Variants in SPATA7 observed in about 807,000 individuals in gnomAD.
The protein encoded by SPATA7 is spermatogenesis-associated protein 7.
A neutral mutation model predicts 51.8 loss-of-function variants in SPATA7; 43 were observed. That is an observed-to-expected ratio of 0.83 (90% confidence interval 0.65 to 1.07). The LOEUF (loss-of-function observed/expected upper bound fraction) is 1.07. SPATA7 is among the 50% of genes least tolerant of loss of function. The pLI, the probability that SPATA7 is intolerant of heterozygous loss-of-function variation, is 0.00. For missense variants in SPATA7, 683 were observed against 701.3 expected, an observed-to-expected ratio of 0.97 and a Z score of 0.30; for synonymous variants, 230 against 252.8, an observed-to-expected ratio of 0.91 and a Z score of 0.86.
Position 88,438,305 on chromosome 14 carries a change from A to G in SPATA7, c.1683A>G (p.Thr561=), listed in dbSNP as rs886050875. 6.2e-7 allele frequency: 1 copy of G among 1,614,056 alleles called. No homozygotes were observed. The highest frequency in any genetic ancestry group is 8.5e-7 in the Non-Finnish European group (1 of 1,179,964). ...CAAATGGATTATGTGGTCTTAACACATCACCCTCCCAATCTGTTCAGTTCT... is the reference window on the plus strand; with the variant it reads ...CAAATGGATTATGTGGTCTTAACACGTCACCCTCCCAATCTGTTCAGTTCT... ...EISNGLCGLN[T]SPSQSVQFSS... Residue 561 remains threonine (T), a synonymous_variant, in exon 12 of 12, where the codon ACA becomes ACG. Coordinates refer to ENST00000393545, the MANE Select transcript of SPATA7 (RefSeq NM_018418.5).
chr14:88,467,690 A>G (rs2077386315), intron 4 of SPATA7: 1 of 164,626 alleles, frequency 6.1e-6, no homozygotes. Flanking sequence ...TCTGTGGATC[A>G]TCCTTACACA....
chr14:88,394,673 T>C (rs560169551), intron 3 of SPATA7, among the ~76,000 whole-genome samples: 1 of 152,314 alleles, frequency 6.6e-6, no homozygotes, highest in South Asian at 2.1e-4. Flanking sequence ...AATTTATGTG[T>C]CAGGAGTAGA....
At chr14:88,459,061 C>G (rs1441625374), downstream of SPATA7, among the ~76,000 whole-genome samples, 3 of 152,106 alleles carry the variant, frequency 2.0e-5, no homozygotes, top group African/African-American at 4.8e-5. Flanking sequence ...CTGAGTTCTA[C>G]TTTGATTGCA....
At chr14:88,434,703 GAAAAAGA>G (rs1458455160) in intron 10 of SPATA7, among the ~76,000 whole-genome samples, 3 of 145,264 alleles carry the variant, frequency 2.1e-5, no homozygotes, top group South Asian at 2.2e-4. Context: ...AAAAAAAAAA[GAAAAAGA>G]AAAAAGAAAA....
Position 88,385,772 on chromosome 14 carries a change from C to T in SPATA7, c.-47C>T, listed in dbSNP as rs1333149896. ...GGCTGGGCCCGGCCGCGGGAAGGAC[C>T]GAAGGGGATACAGCGTGTCCCTGCG... is the stretch of plus-strand genomic sequence containing the variant. On this transcript the variant is annotated 5_prime_UTR_variant, in exon 1 of 12. Coordinates refer to ENST00000393545, the MANE Select transcript of SPATA7 (RefSeq NM_018418.5). The T allele has an allele frequency of 1.3e-6, 2 of 1,578,930 alleles. No individual in the cohort carries two copies. The highest frequency in any genetic ancestry group is 1.7e-6 in the Non-Finnish European group (2 of 1,155,952).
rs765970529 is a variant in SPATA7 at position 88,426,579 on chromosome 14, C to G, written c.720C>G (p.Phe240Leu). 8.1e-6 allele frequency: 13 copies of G among 1,614,000 alleles called. No individual in the cohort carries two copies. The South Asian group carries it at 1.4e-4, about 18-fold the overall frequency. ...SELFSNKQLP[F>L]TPRTLKTEAK... ...TCTTTTCTAACAAACAATTGCCATT[C>G]ACTCCTCGCACTTTAAAAACAGAAG... The change falls in exon 6 of 12, where the codon TTC becomes TTG. Residue 240 changes from phenylalanine to leucine, a missense_variant. Phe to Leu is a conservative substitution (Grantham distance 22). Transcript: ENST00000393545.
chr14:88,394,504 TAAG>T (rs1352328751), intron 3 of SPATA7, among the ~76,000 whole-genome samples: 1 of 152,220 alleles, frequency 6.6e-6, no homozygotes, highest in Non-Finnish European at 1.5e-5. Context: ...TTTGTATTGT[TAAG>T]GAGTATTTCA....
At chr14:88,459,112 T>C (rs1263370202), downstream of SPATA7, among the ~76,000 whole-genome samples, 1 of 152,052 alleles carries the variant, frequency 6.6e-6, no homozygotes, top group Non-Finnish European at 1.5e-5. Flanking sequence ...TCTGTTCTTT[T>C]ACATTTGCTG....
chr14:88,467,116 G>A (rs1266617209), intron 4 of SPATA7: 1 of 152,168 alleles, frequency 6.6e-6, no homozygotes, highest in Non-Finnish European at 1.5e-5. Context: ...TTTTTGTAAA[G>A]ACGAAGGCAT....
At chr14:88,441,872 T>C (rs2077180621), downstream of SPATA7, among the ~76,000 whole-genome samples, 1 of 152,222 alleles carries the variant, frequency 6.6e-6, no homozygotes, top group Non-Finnish European at 1.5e-5. Flanking sequence ...ATCTCTGTTT[T>C]TGATGCATTT....
At chr14:88,453,748 C>G (rs1322468239) in intron 3 of SPATA7, among the ~76,000 whole-genome samples, 1 of 152,226 alleles carries the variant, frequency 6.6e-6, no homozygotes, top group Non-Finnish European at 1.5e-5. Flanking sequence ...GGAAATCAGT[C>G]TGCTAAACCG....
At chr14:88,454,450 A>G (rs778107742) in intron 3 of SPATA7, among the ~76,000 whole-genome samples, 3 of 152,196 alleles carry the variant, frequency 2.0e-5, no homozygotes, top group Non-Finnish European at 4.4e-5. Context: ...TAGGATATGG[A>G]CATATCTGGG....
chr14:88,469,122 T>A lies in SPATA7; in HGVS notation c.255-725T>A. The A allele has an allele frequency of 1.3e-6, 2 of 1,559,434 alleles. No homozygotes were observed. Among genetic ancestry groups the A allele is most frequent in the Non-Finnish European group, 1.7e-6 (2 of 1,143,324 alleles). ...AGAAAAGTACTCAAGGATCAAGGCG[T>A]ATCACATTGTTGACTCAATCTTCAT... On this transcript the variant is annotated intron_variant, in intron 4 of 4. Coordinates refer to the SPATA7 transcript ENST00000556406. The surrounding 1 kb of genome is among the most constrained non-coding windows in gnomAD (Gnocchi z 4.3).
intron 4 of SPATA7, among the ~76,000 whole-genome samples, chr14:88,408,171 A>T (rs1159862583): frequency 6.6e-6 from 1 of 152,124 alleles, no homozygotes; most frequent in Non-Finnish European, 1.5e-5. Context: ...TTTGATGGGG[A>T]TAGCACTGAG....
At chr14:88,464,325 T>C (rs1299393016) in intron 4 of SPATA7, among the ~76,000 whole-genome samples, 1 of 152,188 alleles carries the variant, frequency 6.6e-6, no homozygotes, top group African/African-American at 2.4e-5. Flanking sequence ...TTAGATTCTT[T>C]TTTTAAAAAA....
chr14:88,422,044 TG>T (rs1307621630), intron 5 of SPATA7, among the ~76,000 whole-genome samples: 1 of 152,146 alleles, frequency 6.6e-6, no homozygotes, highest in Non-Finnish European at 1.5e-5. Context: ...GTTTCTGCCT[TG>T]GGCAACTGGG....
At chr14:88,431,774 C>T (rs1334635444) in intron 9 of SPATA7, among the ~76,000 whole-genome samples, 1 of 152,164 alleles carries the variant, frequency 6.6e-6, no homozygotes, top group East Asian at 1.9e-4. Context: ...CATGTTGCCA[C>T]AAATGACATG....
At chr14:88,429,504 T>C in intron 8 of SPATA7, 41 bp downstream of exon 8, 1 of 1,278,252 alleles carries the variant, frequency 7.8e-7, no homozygotes, top group Non-Finnish European at 1.1e-6. Context: ...CTGTCTTTAA[T>C]TGCCTTCTTG....
At chr14:88,438,644 A>G (rs1359352107), downstream of SPATA7, among the ~76,000 whole-genome samples, 1 of 152,184 alleles carries the variant, frequency 6.6e-6, no homozygotes, top group African/African-American at 2.4e-5. Context: ...GGGTCTCACA[A>G]GGCTACCCCA....
Sources: allele counts gnomAD v4.1 joint callset (sites outside exome capture counted in the v4.1 genomes callset), GRCh38; gene constraint gnomAD v4.1.1; non-coding constraint Gnocchi (gnomAD v3.1); transcripts MANE v1.5; gene names NCBI Gene and HGNC (gene_info 2026-07-23, HGNC 2026-07-21).